The following TXK variants were observed in gnomAD, a reference collection of about 807,000 sequenced individuals.
The protein encoded by TXK is tyrosine-protein kinase TXK.
TXK carries 60 observed loss-of-function variants against 81.0 expected under a neutral mutation model. The ratio of observed to expected loss-of-function variants is 0.74; its 90% CI spans 0.60 to 0.92. The LOEUF (loss-of-function observed/expected upper bound fraction) is 0.92, where lower values mean the gene tolerates loss of function less well. TXK is among the 40% of genes least tolerant of loss of function. TXK has a pLI of 0.00. For missense variants in TXK, 581 were observed against 638.3 expected (o/e 0.91, Z 0.97); for synonymous variants, 203 against 210.7 (o/e 0.96, Z 0.32).
chr4:48,113,077 CA>C, intron 3 of TXK, 129 bp downstream of exon 3: 1 of 531,268 alleles, frequency 1.9e-6, no homozygotes, highest in Non-Finnish European at 3.3e-6. Context: ...CATTCCTTCA[CA>C]AATTACTGAG....
At chr4:48,102,799 T>C (rs577885083) in intron 6 of TXK, among the ~76,000 whole-genome samples, 1 of 152,244 alleles carries the variant, frequency 6.6e-6, no homozygotes, top group Non-Finnish European at 1.5e-5. Context: ...CTATAGTATA[T>C]GTACCCATAA....
chr4:48,075,296 C>G (rs1717022662), intron 12 of TXK, among the ~76,000 whole-genome samples: 1 of 152,140 alleles, frequency 6.6e-6, no homozygotes, highest in African/African-American at 2.4e-5. Context: ...TGCCAGTGAA[C>G]AAATGGCTGT....
intron 1 of TXK, 142 bp from the exon 2 acceptor site, chr4:48,114,544 A>T (rs1718742023): frequency 1.0e-5 from 8 of 803,804 alleles, no homozygotes; most frequent in Admixed American, 4.8e-5. Context: ...GAAGACAAAT[A>T]ACTGTCACTA....
At chr4:48,072,634 G>A (rs1296246422) in intron 13 of TXK, among the ~76,000 whole-genome samples, 2 of 152,200 alleles carry the variant, frequency 1.3e-5, no homozygotes, top group Non-Finnish European at 2.9e-5. Flanking sequence ...TTGATGAGAG[G>A]CGAGGCCTCT....
intron 6 of TXK, among the ~76,000 whole-genome samples, chr4:48,099,335 G>T (rs370813538): frequency 6.6e-6 from 1 of 152,128 alleles, no homozygotes; most frequent in East Asian, 1.9e-4. Flanking sequence ...AAATGCTCCT[G>T]AAGAATACAA....
intron 2 of TXK, 60 bp from the exon 3 acceptor site, chr4:48,113,369 C>A (rs965155654): frequency 2.8e-5 from 36 of 1,305,528 alleles, no homozygotes; most frequent in Non-Finnish European, 3.7e-5. Flanking sequence ...ATCTATACAT[C>A]CACTAGATTT....
chr4:48,095,286 G>C (rs1265982538), intron 6 of TXK, 64 bp from the exon 7 acceptor site: 1 of 1,294,628 alleles, frequency 7.7e-7, no homozygotes, highest in African/African-American at 1.5e-5. Flanking sequence ...CTACAACTCA[G>C]GGATGAAAAT....
At chr4:48,130,130 C>T (rs923077545) in intron 1 of TXK, among the ~76,000 whole-genome samples, 2 of 152,192 alleles carry the variant, frequency 1.3e-5, no homozygotes, top group African/African-American at 4.8e-5. Context: ...TTTAATCTTT[C>T]AGAAAGGGCA....
At chr4:48,076,368 A>C in intron 12 of TXK, 34 bp downstream of exon 12, 1 of 1,459,194 alleles carries the variant, frequency 6.9e-7, no homozygotes, top group Non-Finnish European at 9.3e-7. Flanking sequence ...GTAAACAAAC[A>C]AACAAAATAC....
In TXK at chr4:48,076,402, C is replaced by T; in HGVS notation, c.1238G>A (p.Arg413Lys). Residue 413 changes from arginine to lysine, a missense_variant and splice_region_variant, in exon 12 of 15, where the codon AGG becomes AAG. By Grantham distance (26) the Arg-to-Lys change is conservative (BLOSUM62 2). Transcript: ENST00000264316. ...ACATATATATATACATAGCATGTACCTTGTCATTCCAAAGTCTGAAATTTT... is the reference window on the plus strand; with the variant it reads ...ACATATATATATACATAGCATGTACTTTGTCATTCCAAAGTCTGAAATTTT... ...IVKISDFGMT[R>K]YVLDDEYVSS... 6.2e-7 allele frequency: 1 copy of T among 1,604,658 alleles called. No homozygotes were observed. The highest frequency in any genetic ancestry group is 8.5e-7 in the Non-Finnish European group (1 of 1,172,796).
intron 14 of TXK, 95 bp from the exon 15 acceptor site, chr4:48,067,800 T>C: frequency 3.3e-6 from 4 of 1,198,346 alleles, no homozygotes; most frequent in African/African-American, 1.5e-5. Flanking sequence ...GTCACTTATA[T>C]CCCACTGCTC....
chr4:48,112,225 AAG>A, intron 4 of TXK, 80 bp downstream of exon 4: 1 of 1,265,626 alleles, frequency 7.9e-7, no homozygotes, highest in Non-Finnish European at 1.1e-6. Flanking sequence ...ATGCAGAGGG[AAG>A]AGTTATAAGC....
At chr4:48,114,933 TA>T (rs916788595) in intron 1 of TXK, among the ~76,000 whole-genome samples, 2 of 152,080 alleles carry the variant, frequency 1.3e-5, no homozygotes, top group Non-Finnish European at 2.9e-5. Context: ...TGAGGAGCTT[TA>T]AAAAAAATAT....
At chr4:48,103,300 A>C (rs1046046742) in intron 6 of TXK, among the ~76,000 whole-genome samples, 49 of 152,098 alleles carry the variant, frequency 3.2e-4, no homozygotes, top group African/African-American at 1.2e-3. Flanking sequence ...CCTGTCATAA[A>C]ATTTTTTTTC....
At chr4:48,102,902 G>A (rs1054291521) in intron 6 of TXK, among the ~76,000 whole-genome samples, 2 of 152,090 alleles carry the variant, frequency 1.3e-5, no homozygotes, top group Admixed American at 6.6e-5. Flanking sequence ...TAATGTTATA[G>A]GTTGTTTATG....
intron 11 of TXK, among the ~76,000 whole-genome samples, chr4:48,078,550 A>C (rs781752150): frequency 2.0e-5 from 3 of 152,254 alleles, no homozygotes; most frequent in Non-Finnish European, 4.4e-5. Flanking sequence ...AATAGTGTGA[A>C]TATCACGAAT....
At chr4:48,086,934 A>G (rs1482274431) in intron 9 of TXK, among the ~76,000 whole-genome samples, 4 of 152,202 alleles carry the variant, frequency 2.6e-5, no homozygotes, top group African/African-American at 9.7e-5. Context: ...TTTCTAAACT[A>G]AACCTACCAA....
chr4:48,085,763 C>T (rs34184567), intron 10 of TXK, among the ~76,000 whole-genome samples: 2 of 152,088 alleles, frequency 1.3e-5, no homozygotes, highest in Admixed American at 6.6e-5. Context: ...GAGACGAGAT[C>T]GGCTGCAGGA....
intron 6 of TXK, among the ~76,000 whole-genome samples, chr4:48,095,963 C>T (rs1717963915): frequency 6.6e-6 from 1 of 151,946 alleles, no homozygotes; most frequent in South Asian, 2.1e-4. Flanking sequence ...TGCTTATGCT[C>T]ATGAAGAGGG....
Sources: allele counts gnomAD v4.1 joint callset (sites outside exome capture counted in the v4.1 genomes callset), GRCh38; gene constraint gnomAD v4.1.1; transcripts MANE v1.5; gene names NCBI Gene and HGNC (gene_info 2026-07-23, HGNC 2026-07-21).